Variants in MTHFS observed in about 807,000 individuals in gnomAD.
MTHFS encodes 5-formyltetrahydrofolate cyclo-ligase.
Under a neutral mutation model 12.7 loss-of-function variants are expected in MTHFS, and 7 were observed. The observed-to-expected ratio is 0.55, with a 90% CI of 0.31 to 1.03. The LOEUF (loss-of-function observed/expected upper bound fraction) is 1.03, where lower values mean the gene tolerates loss of function less well. Ranked by LOEUF, MTHFS falls within the 50% of genes least tolerant of loss-of-function variation. The pLI is 0.05. For missense variants in MTHFS, 252 were observed against 258.1 expected (o/e 0.98, Z 0.16); for synonymous variants, 100 against 97.1 (o/e 1.03, Z -0.18).
chr15:79,873,326 C>T (rs572726748), intron 2 of MTHFS, among the ~76,000 whole-genome samples: 68 of 152,164 alleles, frequency 4.5e-4, no homozygotes, highest in African/African-American at 1.6e-3. Flanking sequence ...AATAGAGGAG[C>T]AGGATATTAA....
At chr15:79,895,923 A>G (rs1461313685) in intron 1 of MTHFS, among the ~76,000 whole-genome samples, 1 of 152,238 alleles carries the variant, frequency 6.6e-6, no homozygotes. Context: ...CAGAATTACA[A>G]ATACGTACTT....
At chr15:79,868,600 T>C (rs2034051291) in intron 2 of MTHFS, among the ~76,000 whole-genome samples, 1 of 152,238 alleles carries the variant, frequency 6.6e-6, no homozygotes, top group African/African-American at 2.4e-5. Flanking sequence ...GGACAGCCCA[T>C]CTCAATGCAG....
intron 2 of MTHFS, among the ~76,000 whole-genome samples, chr15:79,865,773 G>A (rs1566991299): frequency 6.6e-6 from 1 of 152,184 alleles, no homozygotes; most frequent in Admixed American, 6.5e-5. Context: ...AACCAACCAT[G>A]GAGAAAATAA....
chr15:79,888,571 G>C (rs8027872), intron 2 of MTHFS, among the ~76,000 whole-genome samples: 4,838 of 152,282 alleles, frequency 0.032, 271 homozygotes, highest in African/African-American at 0.11. Context: ...GTGGGTTGGA[G>C]AGAAATGGAC....
intron 1 of MTHFS, among the ~76,000 whole-genome samples, chr15:79,892,749 G>A (rs1214230492): frequency 1.3e-5 from 2 of 151,218 alleles, no homozygotes; most frequent in Admixed American, 6.6e-5. Flanking sequence ...TCAAGAGGTC[G>A]AGACCATCCT....
chr15:79,876,112 A>G (rs1156650514), intron 2 of MTHFS: 1 of 152,152 alleles, frequency 6.6e-6, no homozygotes, highest in Non-Finnish European at 1.5e-5. Flanking sequence ...ATCAGAATCC[A>G]GAGATACTAC....
intron 2 of MTHFS, among the ~76,000 whole-genome samples, chr15:79,888,334 C>T (rs1420798152): frequency 6.6e-6 from 1 of 151,936 alleles, no homozygotes; most frequent in Non-Finnish European, 1.5e-5. Context: ...GGAAGAACCT[C>T]GTTAAGGAGG....
At chr15:79,887,782 G>C (rs538540526) in intron 2 of MTHFS, among the ~76,000 whole-genome samples, 17 of 152,302 alleles carry the variant, frequency 1.1e-4, no homozygotes, top group African/African-American at 4.1e-4. Flanking sequence ...TTAAAATGCT[G>C]ACATTCATCT....
chr15:79,868,838 A>G (rs148083072), intron 2 of MTHFS, among the ~76,000 whole-genome samples: 7 of 152,342 alleles, frequency 4.6e-5, no homozygotes, highest in Non-Finnish European at 8.8e-5. Flanking sequence ...CAATCACATG[A>G]GCAAATTCAT....
chr15:79,868,548 T>C (rs1342245734), intron 2 of MTHFS, among the ~76,000 whole-genome samples: 1 of 152,208 alleles, frequency 6.6e-6, no homozygotes, highest in East Asian at 1.9e-4. Flanking sequence ...TGAGAGTGTT[T>C]TAGGATGAGA....
intron 1 of MTHFS, among the ~76,000 whole-genome samples, chr15:79,893,611 T>C (rs2034513744): frequency 6.9e-6 from 1 of 144,928 alleles, no homozygotes; most frequent in South Asian, 2.2e-4. Context: ...GACAGGAGAA[T>C]GGCATGAACC....
intron 2 of MTHFS, among the ~76,000 whole-genome samples, chr15:79,847,078 CA>C (rs1280469952): frequency 6.6e-6 from 1 of 152,174 alleles, no homozygotes; most frequent in Non-Finnish European, 1.5e-5. Flanking sequence ...GAGACCCCAG[CA>C]GGGGGAGAGC....
chr15:79,869,862 C>G (rs2034073177), intron 2 of MTHFS, among the ~76,000 whole-genome samples: 1 of 151,846 alleles, frequency 6.6e-6, no homozygotes, highest in South Asian at 2.1e-4. Flanking sequence ...GTTATAAACC[C>G]AAATGATTTT....
At chr15:79,879,321 C>CTTTTT (rs565488885) in intron 2 of MTHFS, among the ~76,000 whole-genome samples, 60 of 79,320 alleles carry the variant, frequency 7.6e-4, no homozygotes, top group East Asian at 1.2e-3. Context: ...AATTATTACC[C>CTTTTT]TTTTTTTTTT....
chr15:79,881,997 G>A (rs1596078264), intron 2 of MTHFS, among the ~76,000 whole-genome samples: 2 of 152,246 alleles, frequency 1.3e-5, no homozygotes, highest in South Asian at 4.1e-4. Flanking sequence ...ATTGTCCAGA[G>A]AGGGAGGTCA....
At chr15:79,864,463 T>C (rs908408605) in intron 2 of MTHFS, among the ~76,000 whole-genome samples, 2 of 144,426 alleles carry the variant, frequency 1.4e-5, no homozygotes, top group Admixed American at 7.5e-5. Context: ...GAGAATCGCT[T>C]GAACCCGGGA....
At chr15:79,883,220 C>T (rs934503441) in intron 2 of MTHFS, among the ~76,000 whole-genome samples, 2 of 152,172 alleles carry the variant, frequency 1.3e-5, no homozygotes, top group African/African-American at 4.8e-5. Flanking sequence ...CAACAAGTTA[C>T]AGCGCCTTAT....
At chr15:79,867,016 C>T (rs2034024045) in intron 2 of MTHFS, among the ~76,000 whole-genome samples, 1 of 151,832 alleles carries the variant, frequency 6.6e-6, no homozygotes, top group South Asian at 2.1e-4. Context: ...TCTTTTAGTG[C>T]CAAAAAAGCA....
At chr15:79,877,220 T>A (rs895740583) in intron 2 of MTHFS, 10 of 151,948 alleles carry the variant, frequency 6.6e-5, no homozygotes, top group African/African-American at 2.4e-4. Context: ...CTAAGTGACT[T>A]GTGGGACAAT....
Sources: allele counts gnomAD v4.1 joint callset (sites outside exome capture counted in the v4.1 genomes callset), GRCh38; gene constraint gnomAD v4.1.1; transcripts MANE v1.5; gene names NCBI Gene and HGNC (gene_info 2026-07-23, HGNC 2026-07-21).